The following RBM26 variants were observed in gnomAD, a reference collection of about 807,000 sequenced individuals.
RBM26 encodes RNA-binding protein 26.
In RBM26, 30 loss-of-function variants were observed where a neutral mutation model predicts 123.6. The observed-to-expected ratio is 0.24, with a 90% CI of 0.18 to 0.33. The LOEUF (loss-of-function observed/expected upper bound fraction) is 0.33, where lower values mean the gene tolerates loss of function less well. Ranked by LOEUF, RBM26 falls within the 10% of genes least tolerant of loss-of-function variation. The pLI is 1.00. For missense variants in RBM26, 947 were observed against 1,203.6 expected, an observed-to-expected ratio of 0.79 and a Z score of 3.15; for synonymous variants, 400 against 404.4, an observed-to-expected ratio of 0.99 and a Z score of 0.13.
intron 1 of RBM26, among the ~76,000 whole-genome samples, chr13:79,402,021 T>C (rs1419504008): frequency 9.3e-6 from 1 of 107,868 alleles, no homozygotes; most frequent in Admixed American, 8.2e-5. Context: ...AGGTGTCTCT[T>C]CAGGAAAAAA....
chr13:79,354,143 G>A (rs1159101463), intron 13 of RBM26, among the ~76,000 whole-genome samples: 1 of 151,964 alleles, frequency 6.6e-6, no homozygotes, highest in Non-Finnish European at 1.5e-5. Context: ...CACTCTTCGG[G>A]CAGTTTTGCT....
At chr13:79,370,594 G>T (rs1349769511) in intron 5 of RBM26, among the ~76,000 whole-genome samples, 1 of 152,140 alleles carries the variant, frequency 6.6e-6, no homozygotes, top group African/African-American at 2.4e-5. Flanking sequence ...TTTCTTCCAG[G>T]TAAACAGTAA....
intron 6 of RBM26, among the ~76,000 whole-genome samples, chr13:79,367,606 G>C (rs185116890): frequency 6.6e-6 from 1 of 151,654 alleles, no homozygotes; most frequent in Admixed American, 6.6e-5. Flanking sequence ...AAAAGAGCAT[G>C]GCACCTCCCC....
intron 18 of RBM26, among the ~76,000 whole-genome samples, chr13:79,338,171 C>T (rs985589668): frequency 6.6e-6 from 1 of 152,136 alleles, no homozygotes; most frequent in Admixed American, 6.5e-5. Flanking sequence ...GAGATCGCGC[C>T]ACTACACTCC....
chr13:79,397,698 A>AG (rs1230426857), intron 1 of RBM26, among the ~76,000 whole-genome samples: 2 of 150,862 alleles, frequency 1.3e-5, no homozygotes, highest in African/African-American at 2.4e-5. Context: ...AAAAAAAAAA[A>AG]AAAAAGAAAT....
chr13:79,315,721 GAAAGTT>G (rs1417913480), downstream of RBM26, among the ~76,000 whole-genome samples: 6 of 151,802 alleles, frequency 4.0e-5, no homozygotes, highest in Non-Finnish European at 8.8e-5. Context: ...TAAACTGCAA[GAAAGTT>G]ATACCAAATT....
intron 1 of RBM26, 127 bp from the exon 2 acceptor site, chr13:79,379,034 A>G (rs1474352961): frequency 3.2e-6 from 2 of 627,202 alleles, no homozygotes; most frequent in African/African-American, 3.7e-5. Context: ...CCCGGGTCAC[A>G]GAGGACCTTG....
chr13:79,342,111 TAAGG>T (rs753993782), intron 17 of RBM26, among the ~76,000 whole-genome samples: 6 of 151,730 alleles, frequency 4.0e-5, no homozygotes, highest in African/African-American at 9.7e-5. Flanking sequence ...AAATACGAAA[TAAGG>T]AAGAGCCATG....
At position 79,377,526 on chromosome 13, in the gene RBM26, A is replaced by C. The variant is rs1351882547; in HGVS notation, c.191-11T>G. The C allele has an allele frequency of 6.3e-7, 1 of 1,596,768 alleles. No homozygotes were observed. The highest frequency in any genetic ancestry group is 1.1e-5 in the South Asian group (1 of 90,544). On this transcript the variant is annotated splice_polypyrimidine_tract_variant and intron_variant, in intron 2 of 21. Transcript: ENST00000438737. ...CAAATATCTGTGTCTCTAAAAATAA[A>C]ACCAAACACCATAGATTAAAACACA...
At chr13:79,321,518 G>A (rs573999962) in intron 21 of RBM26, among the ~76,000 whole-genome samples, 1 of 151,434 alleles carries the variant, frequency 6.6e-6, no homozygotes, top group African/African-American at 2.4e-5. Context: ...TTAAGTAAGA[G>A]TTGCTTACTT....
At position 79,319,952 on chromosome 13, in the gene RBM26, T is replaced by A; in HGVS notation, c.*669A>T. The A allele has an allele frequency of 2.5e-6, 1 of 392,706 alleles. No homozygotes were observed. The highest frequency in any genetic ancestry group is 3.4e-6 in the Non-Finnish European group (1 of 295,906). The allele number at this position is 392,706 out of a possible 1,614,324, so 24.3% of individuals were successfully genotyped here. The stretch of plus-strand genomic sequence containing the variant: ...AAATCAAGGAACATTGTCTTGGCTT[T>A]TTTTTTTTTTTTTTTTTTGTCATTG... On this transcript the variant is annotated 3_prime_UTR_variant, in exon 22 of 22. Transcript: ENST00000438737.
rs1555332782 is a variant in RBM26 at position 79,375,096 on chromosome 13, T to TTATATATCATATAAATATATTTATA, written c.327+2282_327+2283insTATAAATATATTTATATGATATATA. On this transcript the variant is annotated intron_variant, in intron 3 of 21. Coordinates refer to ENST00000438737, the MANE Select transcript of RBM26 (RefSeq NM_001366735.2). The stretch of plus-strand genomic sequence containing the variant: ...TTATATGATATATATAAATATATAT[T>TTATATATCATATAAATATATTTATA]TATATATATCATATAAATATATATT... 3.1e-5 allele frequency among the ~76,000 whole-genome samples: 3 copies of TTATATATCATATAAATATATTTATA among 95,294 alleles called. 1 individual carries two copies. The highest frequency in any genetic ancestry group is 6.3e-5 in the Non-Finnish European group (3 of 47,484). The allele number at this position is 95,294 out of a possible 152,430, so 62.5% of individuals were successfully genotyped here. A position where few individuals can be genotyped will look rare whatever the true frequency, so the allele number is the denominator to read the frequency against.
chr13:79,393,177 G>T (rs558945667), intron 1 of RBM26, among the ~76,000 whole-genome samples: 2 of 152,262 alleles, frequency 1.3e-5, no homozygotes, highest in South Asian at 2.1e-4. Context: ...ACCCCTCTGA[G>T]GCATTCTTGG....
chr13:79,384,187 T>C (rs1250586253), intron 1 of RBM26, among the ~76,000 whole-genome samples: 1 of 151,878 alleles, frequency 6.6e-6, no homozygotes, highest in African/African-American at 2.4e-5. Context: ...TTTAAAGGCA[T>C]AAAAATAAAA....
In RBM26 at chr13:79,320,159, T is replaced by C; in HGVS notation, c.*462A>G. 5.2e-6 allele frequency: 5 copies of C among 955,432 alleles called. No homozygotes were observed. In the South Asian group the frequency reaches 1.4e-4, roughly 28 times the overall value. The allele number at this position is 955,432 out of a possible 1,614,324, so 59.2% of individuals were successfully genotyped here. ...AGTAAAGCCTAAGCATACTACTATG[T>C]AATATTATAATACATAACTTGGAGA... On this transcript the variant is annotated 3_prime_UTR_variant, in exon 22 of 22. Coordinates refer to ENST00000438737, the MANE Select transcript of RBM26 (RefSeq NM_001366735.2).
At chr13:79,358,568 G>A (rs1594290200) in intron 10 of RBM26, 135 bp from the exon 11 acceptor site, 2 of 711,552 alleles carry the variant, frequency 2.8e-6, no homozygotes, top group Non-Finnish European at 4.5e-6. Context: ...GGTTGATAAA[G>A]GAAATTTAAA....
chr13:79,355,413 ATT>A, intron 11 of RBM26, 29 bp from the exon 12 acceptor site: 1 of 1,583,366 alleles, frequency 6.3e-7, no homozygotes, highest in Non-Finnish European at 8.6e-7. Context: ...AGAACAGTGA[ATT>A]TCCAAAGGAA....
intron 14 of RBM26, among the ~76,000 whole-genome samples, chr13:79,350,898 C>T (rs1566404202): frequency 6.6e-6 from 1 of 152,058 alleles, no homozygotes; most frequent in Non-Finnish European, 1.5e-5. Flanking sequence ...AAATGTTTCT[C>T]TGTAAAGACA....
chr13:79,331,321 T>C (rs2069299400), intron 20 of RBM26, among the ~76,000 whole-genome samples: 2 of 147,712 alleles, frequency 1.4e-5, no homozygotes, highest in South Asian at 4.9e-4. Flanking sequence ...CCTTTTGATA[T>C]AAAAAATTGT....
Sources: allele counts gnomAD v4.1 joint callset (sites outside exome capture counted in the v4.1 genomes callset), GRCh38; gene constraint gnomAD v4.1.1; transcripts MANE v1.5; gene names NCBI Gene and HGNC (gene_info 2026-07-23, HGNC 2026-07-21).